The following TMOD1 variants were observed in gnomAD, a reference collection of about 807,000 sequenced individuals.
TMOD1 encodes tropomodulin 1, also known as tropomodulin-1.
Under a neutral mutation model 40.6 loss-of-function variants are expected in TMOD1, and 17 were observed. The observed-to-expected ratio is 0.42, with a 90% confidence interval of 0.29 to 0.63. TMOD1 has a LOEUF of 0.63. TMOD1 is among the 20% of genes least tolerant of loss of function. The pLI, the probability that TMOD1 is intolerant of heterozygous loss-of-function variation, is 0.22. For missense variants in TMOD1, 391 were observed against 447.6 expected, an observed-to-expected ratio of 0.87 and a Z score of 1.14; for synonymous variants, 181 against 175.0, an observed-to-expected ratio of 1.03 and a Z score of -0.27.
rs1830685627 is a variant in TMOD1, at chr9:97,564,070, C to T, written c.520C>T (p.Pro174Ser). ...TAAACCCACACAATACAAGCCTGTG[C>T]CCGACGAAGAACCAAATTCAACAGA... is the stretch of plus-strand genomic sequence containing the variant. ...VIKPTQYKPV[P>S]DEEPNSTDVE... Residue 174 changes from proline to serine, a missense_variant, in exon 6 of 10, where the codon CCC (proline) becomes TCC (serine). Pro to Ser is a moderately conservative substitution (Grantham distance 74). Transcript: ENST00000259365. The T allele has an allele frequency of 3.7e-6, 6 of 1,614,032 alleles. No individual in the cohort carries two copies. Among genetic ancestry groups the T allele is most frequent in the Non-Finnish European group, 5.1e-6 (6 of 1,180,030 alleles).
chr9:97,531,722 C>T lies in TMOD1; in HGVS notation c.120+7414C>T, dbSNP rs78481562. Among the ~76,000 whole-genome samples the T allele has an allele frequency of 6.6e-5, 10 of 152,292 alleles. No individual in the cohort carries two copies. The East Asian group carries it at 1.9e-3, about 29-fold the overall frequency. ...ACTTAGAAATCATCTAACAGTACCC[C>T]ACCCCAGGCATCTACATACGCGGTA... On this transcript the variant is annotated intron_variant, in intron 2 of 9. Coordinates refer to ENST00000259365, the MANE Select transcript of TMOD1 (RefSeq NM_003275.4).
chr9:97,593,445 G>A (rs1467347800), intron 9 of TMOD1, among the ~76,000 whole-genome samples: 1 of 152,098 alleles, frequency 6.6e-6, no homozygotes, highest in Non-Finnish European at 1.5e-5. Flanking sequence ...GAAAGAAACT[G>A]GAGCCTGGGG....
At chr9:97,581,057 A>G (rs912290133) in intron 8 of TMOD1, among the ~76,000 whole-genome samples, 1 of 147,406 alleles carries the variant, frequency 6.8e-6, no homozygotes, top group African/African-American at 2.5e-5. Context: ...GGTTAGTTAC[A>G]TATGTATACA....
chr9:97,587,165 C>T (rs1825896777), intron 8 of TMOD1, among the ~76,000 whole-genome samples: 2 of 152,204 alleles, frequency 1.3e-5, no homozygotes, highest in South Asian at 4.1e-4. Context: ...TGTTGAAGGG[C>T]GTCTGGGTTG....
intron 7 of TMOD1, among the ~76,000 whole-genome samples, chr9:97,566,580 A>G (rs1046040759): frequency 6.6e-6 from 1 of 152,162 alleles, no homozygotes; most frequent in Non-Finnish European, 1.5e-5. Flanking sequence ...CTGAAGCAGG[A>G]GAAGCACTTG....
intron 2 of TMOD1, among the ~76,000 whole-genome samples, chr9:97,544,432 A>T (rs1172394822): frequency 6.6e-6 from 1 of 151,968 alleles, no homozygotes; most frequent in Non-Finnish European, 1.5e-5. Flanking sequence ...GCTACTCGGG[A>T]GGCTGAGGCA....
chr9:97,549,393 T>C (rs1563987463), intron 3 of TMOD1, among the ~76,000 whole-genome samples: 1 of 152,196 alleles, frequency 6.6e-6, no homozygotes, highest in Admixed American at 6.5e-5. Context: ...CCTCTTACAG[T>C]GGCTCAGAGT....
intron 8 of TMOD1, among the ~76,000 whole-genome samples, chr9:97,585,505 G>A (rs1454617003): frequency 6.7e-6 from 1 of 149,738 alleles, no homozygotes; most frequent in African/African-American, 2.5e-5. Context: ...TTCTCGAGGA[G>A]TATCTTTGTG....
chr9:97,524,342 T>G, intron 2 of TMOD1, 34 bp downstream of exon 2: 1 of 1,606,350 alleles, frequency 6.2e-7, no homozygotes. Flanking sequence ...ACATTGTCAC[T>G]AGCGAGGGGA....
intron 1 of TMOD1, among the ~76,000 whole-genome samples, 166 bp from the exon 2 acceptor site, chr9:97,523,975 T>A (rs1357170024): frequency 6.6e-6 from 1 of 152,218 alleles, no homozygotes; most frequent in Non-Finnish European, 1.5e-5. Context: ...CCTTGCACAG[T>A]TTTATTAGAG....
At chr9:97,538,673 T>A (rs1429554856) in intron 2 of TMOD1, among the ~76,000 whole-genome samples, 2 of 152,148 alleles carry the variant, frequency 1.3e-5, no homozygotes, top group Non-Finnish European at 2.9e-5. Context: ...TTGATTACCA[T>A]GTGTTTAGTG....
intron 2 of TMOD1, among the ~76,000 whole-genome samples, chr9:97,531,035 C>CCG (rs1554754339): frequency 8.0e-6 from 1 of 124,700 alleles, no homozygotes; most frequent in Non-Finnish European, 1.7e-5. Flanking sequence ...TGATCCACAC[C>CCG]CACCCCCCCC....
At chr9:97,514,575 T>G (rs1165799637) in intron 1 of TMOD1, among the ~76,000 whole-genome samples, 4 of 152,208 alleles carry the variant, frequency 2.6e-5, no homozygotes, top group South Asian at 2.1e-4. Flanking sequence ...CCCTCGCCCC[T>G]GGCACCCTCT....
chr9:97,562,835 C>T lies in TMOD1; in HGVS notation c.487+14C>T, dbSNP rs376503250. On this transcript the variant is annotated intron_variant, in intron 5 of 9. Coordinates refer to ENST00000259365, the MANE Select transcript of TMOD1 (RefSeq NM_003275.4). ...AGGGGCTCAACAGTGAGTATGCGCC[C>T]GCCCCCAGGAGGGACCTCATGCTTC... The T allele has an allele frequency of 7.4e-4, 1,163 of 1,574,138 alleles. 1 individual carries two copies. The highest frequency in any genetic ancestry group is 9.2e-4 in the Non-Finnish European group (1,068 of 1,164,182).
intron 1 of TMOD1, among the ~76,000 whole-genome samples, chr9:97,507,338 T>A (rs565084251): frequency 6.6e-6 from 1 of 152,220 alleles, no homozygotes; most frequent in Admixed American, 6.5e-5. Flanking sequence ...CCAAGAGAGA[T>A]TTAAAAATTC....
chr9:97,546,226 C>A lies in TMOD1; in HGVS notation c.162C>A (p.Thr54=), dbSNP rs750027005. ...LPAGLRQKDQ[T]TKAPTGPFKR... ...CAGGCCTGAGGCAGAAGGATCAGAC[C>A]ACCAAGGCGCCCACGGGCCCCTTTA... Residue 54 remains threonine, a synonymous_variant, in exon 3 of 10, where the codon ACC becomes ACA. Coordinates refer to ENST00000259365, the MANE Select transcript of TMOD1 (RefSeq NM_003275.4). 6.2e-7 allele frequency: 1 copy of A among 1,613,948 alleles called. No individual in the cohort carries two copies. The highest frequency in any genetic ancestry group is 1.1e-5 in the South Asian group (1 of 91,054).
chr9:97,584,333 A>G (rs1825821823), intron 8 of TMOD1, among the ~76,000 whole-genome samples: 1 of 151,856 alleles, frequency 6.6e-6, no homozygotes, highest in Non-Finnish European at 1.5e-5. Context: ...CTTAATCCTG[A>G]GTTCTAGTTT....
intron 8 of TMOD1, among the ~76,000 whole-genome samples, chr9:97,588,976 G>A (rs958101583): frequency 2.0e-5 from 3 of 151,758 alleles, no homozygotes; most frequent in Non-Finnish European, 4.4e-5. Flanking sequence ...AATTAGCCAC[G>A]TATGGTGGCA....
intron 2 of TMOD1, among the ~76,000 whole-genome samples, chr9:97,533,749 TCTGTGGC>T (rs1830137766): frequency 1.3e-5 from 2 of 152,230 alleles, no homozygotes; most frequent in African/African-American, 4.8e-5. Flanking sequence ...CAGTGCCCCG[TCTGTGGC>T]CTCACAGCCC....
Sources: gnomAD v4.1 joint callset for allele counts (sites outside exome capture counted in the v4.1 genomes callset) on GRCh38, gnomAD v4.1.1 for gene constraint, MANE v1.5 for transcripts, NCBI Gene and HGNC (gene_info 2026-07-23, HGNC 2026-07-21) for gene names.